LSM7: variants seen among roughly 807,000 people sequenced by gnomAD.
LSM7 encodes LSM7 homolog, U6 small nuclear RNA and mRNA degradation associated, also known as U6 snRNA-associated Sm-like protein LSm7.
A neutral mutation model predicts 14.1 loss-of-function variants in LSM7; 13 were observed. The observed-to-expected ratio is 0.92, with a 90% CI of 0.60 to 1.47. The LOEUF (loss-of-function observed/expected upper bound fraction) is 1.47, where lower values mean the gene tolerates loss of function less well. Among genes scored for constraint, LSM7 ranks in the 40% most tolerant of loss-of-function variants. LSM7 has a pLI of 0.00. For missense variants in LSM7, 108 were observed against 140.8 expected, an observed-to-expected ratio of 0.77 and a Z score of 1.18; for synonymous variants, 70 against 57.1, an observed-to-expected ratio of 1.23 and a Z score of -1.02.
Position 2,321,905 on chromosome 19 carries a change from C to T in LSM7, c.170-83G>A. 1.6e-6 allele frequency: 2 copies of T among 1,257,184 alleles called. No individual in the cohort carries two copies. The highest frequency in any genetic ancestry group is 2.1e-6 in the Non-Finnish European group (2 of 973,994). 77.9% of individuals were successfully genotyped at this position (1,257,184 alleles called of 1,614,324 possible). ...CACCCACCCAAGACCCTCGCTCCGA[C>T]CTCCCCACCTGCACCCTGCAGGCGC... On this transcript the variant is annotated intron_variant, in intron 3 of 3. Coordinates refer to ENST00000252622, the MANE Select transcript of LSM7 (RefSeq NM_016199.3). This position sits in a 1 kb window ranked among gnomAD's most constrained non-coding sequence, Gnocchi z 5.0.
At chr19:2,323,349 C>T (rs1277844080) in intron 3 of LSM7, among the ~76,000 whole-genome samples, 1 of 152,218 alleles carries the variant, frequency 6.6e-6, no homozygotes, top group East Asian at 1.9e-4. Flanking sequence ...CCGCTGGGCG[C>T]CACAGCTCAC....
chr19:2,323,206 G>C (rs569160733), intron 3 of LSM7, among the ~76,000 whole-genome samples: 3 of 152,286 alleles, frequency 2.0e-5, no homozygotes, highest in Admixed American at 6.5e-5. Context: ...GCGGGGGCAG[G>C]GAAATGAGGG....
At chr19:2,327,760 AAG>A (rs2145127916) in intron 2 of LSM7, among the ~76,000 whole-genome samples, 1 of 152,320 alleles carries the variant, frequency 6.6e-6, no homozygotes, top group East Asian at 1.9e-4. Context: ...TCCAGGGACA[AAG>A]AGGTTTGGGT....
intron 2 of LSM7, among the ~76,000 whole-genome samples, chr19:2,325,760 G>A (rs1276379667): frequency 1.3e-5 from 2 of 152,248 alleles, no homozygotes; most frequent in African/African-American, 4.8e-5. Context: ...GCCCGCTCAG[G>A]CGCTGACCAG....
Position 2,321,945 on chromosome 19 carries a change from G to T in LSM7, c.170-123C>A. ...CCTGCAGGCGCCACGAGCACGCAGG[G>T]ACCTCAGACGGGATGCGCTCTGTGG... On this transcript the variant is annotated intron_variant, in intron 3 of 3. Coordinates refer to ENST00000252622, the MANE Select transcript of LSM7 (RefSeq NM_016199.3). The surrounding 1 kb of genome is among the most constrained non-coding windows in gnomAD (Gnocchi z 5.0). 1.1e-6 allele frequency: 1 copy of T among 902,582 alleles called. No homozygotes were observed. Among genetic ancestry groups the T allele is most frequent in the Non-Finnish European group, 1.5e-6 (1 of 663,968 alleles). 55.9% of individuals were successfully genotyped at this position (902,582 alleles called of 1,614,324 possible).
chr19:2,324,141 GGT>G lies in LSM7; in HGVS notation c.151_152del (p.Thr51HisfsTer2). 1.9e-6 allele frequency: 3 copies of G among 1,570,082 alleles called. No individual in the cohort carries two copies. In the East Asian group the frequency reaches 7.1e-5, roughly 37 times the overall value. ...DPLLNLVLDG[T>X]IEYMRDPDDQ... ...CCCACTCACCTCGCATGTACTCAAT[GGT>G]GCCGTCCAGCACAAGGTTGAGGAGT... is the stretch of plus-strand genomic sequence containing the variant. On this transcript the variant is annotated frameshift_variant, in exon 3 of 4. Transcript: ENST00000252622. LOFTEE classifies it high-confidence loss of function.
chr19:2,325,491 C>T (rs1447864746), intron 2 of LSM7, among the ~76,000 whole-genome samples: 2 of 152,200 alleles, frequency 1.3e-5, no homozygotes, highest in East Asian at 1.9e-4. Flanking sequence ...TGCACGCCCA[C>T]GCCAATCTCA....
At chr19:2,323,635 G>A (rs1465649363) in intron 3 of LSM7, among the ~76,000 whole-genome samples, 1 of 151,966 alleles carries the variant, frequency 6.6e-6, no homozygotes, top group Admixed American at 6.6e-5. Context: ...CATTTTTAGC[G>A]GAGACGGGGT....
chr19:2,328,549 CCG>C lies in LSM7; in HGVS notation c.6+10_6+11del. 1 of 1,597,582 alleles carries C rather than the reference CCG, an allele frequency of 6.3e-7. No homozygotes were observed. Among genetic ancestry groups the C allele is most frequent in the Non-Finnish European group, 8.5e-7 (1 of 1,173,182 alleles). ...CCACGCCCCCCGGCTCCAGATTCCGCCGCGCGCTCACCGCCATCTTGTCGCGC... is the reference window on the plus strand; with the variant it reads ...CCACGCCCCCCGGCTCCAGATTCCGCCGCGCTCACCGCCATCTTGTCGCGC... On this transcript the variant is annotated intron_variant, in intron 1 of 3. Transcript: ENST00000252622.
intron 2 of LSM7, among the ~76,000 whole-genome samples, chr19:2,325,233 G>A (rs1454044599): frequency 6.6e-6 from 1 of 152,166 alleles, no homozygotes; most frequent in Non-Finnish European, 1.5e-5. Flanking sequence ...GCTCCGCAGT[G>A]TCTGGTGACA....
chr19:2,322,085 C>T (rs1430609533), intron 3 of LSM7, among the ~76,000 whole-genome samples: 3 of 152,160 alleles, frequency 2.0e-5, no homozygotes, highest in Non-Finnish European at 1.5e-5. Flanking sequence ...CAAGAAGGCC[C>T]AGGTGATAGC....
intron 3 of LSM7, among the ~76,000 whole-genome samples, chr19:2,323,509 T>G (rs959368900): frequency 9.2e-5 from 14 of 152,166 alleles, no homozygotes; most frequent in Admixed American, 3.3e-4. Context: ...GGAGTGCAGT[T>G]GCACCATCTC....
chr19:2,323,305 C>T (rs1247238813), intron 3 of LSM7, among the ~76,000 whole-genome samples: 3 of 152,172 alleles, frequency 2.0e-5, no homozygotes, highest in Non-Finnish European at 4.4e-5. Context: ...AGGAGCCCCA[C>T]GGCACGCTCA....
At chr19:2,326,301 C>T (rs537353641) in intron 2 of LSM7, among the ~76,000 whole-genome samples, 6 of 142,562 alleles carry the variant, frequency 4.2e-5, no homozygotes, top group African/African-American at 1.3e-4. Flanking sequence ...GGACCAAACC[C>T]TTTCTGCTTT....
chr19:2,324,269 T>C, intron 2 of LSM7, 73 bp from the exon 3 acceptor site: 1 of 1,216,140 alleles, frequency 8.2e-7, no homozygotes, highest in East Asian at 2.5e-5. Context: ...CGCCCCAGCA[T>C]GGCCCAGGTA....
intron 2 of LSM7, among the ~76,000 whole-genome samples, chr19:2,325,253 G>A (rs1392185996): frequency 2.0e-5 from 3 of 152,140 alleles, no homozygotes; most frequent in African/African-American, 7.2e-5. Flanking sequence ...ACTGAGAAGG[G>A]TGAAGGGGGA....
At chr19:2,327,138 G>A (rs1413395942) in intron 2 of LSM7, among the ~76,000 whole-genome samples, 1 of 152,250 alleles carries the variant, frequency 6.6e-6, no homozygotes, top group Non-Finnish European at 1.5e-5. Flanking sequence ...CTAAATGGGT[G>A]ATTTGCTATG....
chr19:2,328,505 C>G, intron 1 of LSM7, 28 bp from the exon 2 acceptor site: 2 of 1,612,370 alleles, frequency 1.2e-6, no homozygotes. Flanking sequence ...CGCATGAGAC[C>G]TGGAGCGCGG....
chr19:2,322,324 G>A (rs1599177742), intron 3 of LSM7, among the ~76,000 whole-genome samples: 1 of 152,196 alleles, frequency 6.6e-6, no homozygotes. Context: ...CGGATCACGA[G>A]GTCAGGAGAT....
Sources: gnomAD v4.1 joint callset for allele counts (sites outside exome capture counted in the v4.1 genomes callset) on GRCh38, gnomAD v4.1.1 for gene constraint, Gnocchi (gnomAD v3.1) non-coding constraint, MANE v1.5 for transcripts, NCBI Gene and HGNC (gene_info 2026-07-23, HGNC 2026-07-21) for gene names.